CBLN2: variants seen among roughly 807,000 people sequenced by gnomAD.
CBLN2 encodes the protein cerebellin 2 precursor.
Under a neutral mutation model 15.0 loss-of-function variants are expected in CBLN2, and 7 were observed. The observed-to-expected ratio is 0.47, with a 90% CI of 0.27 to 0.88. The LOEUF is 0.88. Among genes scored for constraint, CBLN2 ranks in the 40% least tolerant of loss-of-function variants. The pLI is 0.14. For missense variants in CBLN2, 242 were observed against 304.5 expected (o/e 0.79, Z 1.53); for synonymous variants, 149 against 135.2 (o/e 1.10, Z -0.71).
At position 72,538,380 on chromosome 18, in the gene CBLN2, T is replaced by C; in HGVS notation, c.478-7A>G. 1 of 1,614,060 alleles carries C rather than the reference T, an allele frequency of 6.2e-7. No individual in the cohort carries two copies. Among genetic ancestry groups the C allele is most frequent in the Non-Finnish European group, 8.5e-7 (1 of 1,180,008 alleles). ...CATTCTGCATTAAACTGACCTAAAA[T>C]GCAGAGAGTAGAGCTCAGCAGACCA... On this transcript the variant is annotated splice_polypyrimidine_tract_variant and splice_region_variant and intron_variant, in intron 4 of 4. Transcript: ENST00000269503.
intron 1 of CBLN2, among the ~76,000 whole-genome samples, chr18:72,588,611 G>A (rs557696465): frequency 7.2e-5 from 11 of 152,294 alleles, no homozygotes; most frequent in Admixed American, 2.6e-4. Context: ...TCGACAGGAC[G>A]ATTTCCAGTG....
chr18:72,592,948 C>G (rs750688348), intron 1 of CBLN2, among the ~76,000 whole-genome samples: 1 of 151,924 alleles, frequency 6.6e-6, no homozygotes, highest in Non-Finnish European at 1.5e-5. Context: ...ATACTTTTTG[C>G]TCAGGATGAC....
intron 1 of CBLN2, among the ~76,000 whole-genome samples, chr18:72,586,149 C>T (rs2144924415): frequency 6.6e-6 from 1 of 152,332 alleles, no homozygotes; most frequent in East Asian, 1.9e-4. Flanking sequence ...TCCCCGCTTG[C>T]TCCCTGGAGC....
intron 1 of CBLN2, among the ~76,000 whole-genome samples, chr18:72,637,548 C>T (rs577683637): frequency 9.2e-5 from 14 of 152,318 alleles, no homozygotes; most frequent in South Asian, 2.1e-4. Context: ...TGAACAGCTA[C>T]CGTGACAGGA....
In CBLN2 at chr18:72,579,740, C is replaced by CA. The variant is rs1191738281; in HGVS notation, c.16-40969dup. 1.5e-4 allele frequency among the ~76,000 whole-genome samples: 21 copies of CA among 140,752 alleles called. No individual in the cohort carries two copies. The East Asian group carries it at 4.1e-3, about 27-fold the overall frequency. The allele number at this position is 140,752 out of a possible 152,430, so 92.3% of individuals were successfully genotyped here. The stretch of plus-strand genomic sequence containing the variant: ...GAGCGAGACTCCGTCTCGCAAAAAA[C>CA]AAAAAACAAAAAACAAAAACAAAAT... On this transcript the variant is annotated intron_variant, in intron 1 of 2. Coordinates refer to the CBLN2 transcript ENST00000581073.
chr18:72,586,437 G>A (rs895478051), intron 1 of CBLN2, among the ~76,000 whole-genome samples: 3 of 152,064 alleles, frequency 2.0e-5, no homozygotes, highest in Admixed American at 2.0e-4. Context: ...TTCTTAAATG[G>A]AACCAAGAGG....
chr18:72,578,689 T>C (rs980777096), intron 1 of CBLN2, among the ~76,000 whole-genome samples: 8 of 152,344 alleles, frequency 5.3e-5, no homozygotes, highest in African/African-American at 1.9e-4. Flanking sequence ...GGCTATTTAC[T>C]ACGCAGTAAT....
chr18:72,597,299 T>G (rs2144937881), intron 1 of CBLN2, among the ~76,000 whole-genome samples: 1 of 152,334 alleles, frequency 6.6e-6, no homozygotes, highest in Admixed American at 6.5e-5. Flanking sequence ...CTTGCAGAGA[T>G]ATTACCTTGG....
chr18:72,563,092 C>T (rs542380216), intron 1 of CBLN2, among the ~76,000 whole-genome samples: 10 of 152,246 alleles, frequency 6.6e-5, no homozygotes, highest in Admixed American at 1.3e-4. Context: ...GACATACATA[C>T]GCGATGCTCT....
chr18:72,546,474 TG>T (rs1479895101), upstream of CBLN2, among the ~76,000 whole-genome samples: 1 of 152,104 alleles, frequency 6.6e-6, no homozygotes, highest in Non-Finnish European at 1.5e-5. Context: ...AGTCAAGTGT[TG>T]GAATTTTAGC....
chr18:72,628,699 C>T (rs548980920), intron 1 of CBLN2, among the ~76,000 whole-genome samples: 27 of 152,314 alleles, frequency 1.8e-4, no homozygotes, highest in Non-Finnish European at 2.8e-4. Context: ...TCACACATTT[C>T]GTCGTCCCCT....
Position 72,542,186 on chromosome 18 carries a change from G to GGGGTGGA in CBLN2, c.-33_-27dup. 1.7e-6 allele frequency: 2 copies of GGGGTGGA among 1,204,804 alleles called. No homozygotes were observed. Among genetic ancestry groups the GGGGTGGA allele is most frequent in the Non-Finnish European group, 2.1e-6 (2 of 972,092 alleles). 74.6% of individuals were successfully genotyped at this position (1,204,804 alleles called of 1,614,324 possible). ...CGGGACTGGTGGGAGGCGGCGCGCG[G>GGGGTGGA]GGGTGGAGGCCGGCGCCGGCGCGAG... On this transcript the variant is annotated 5_prime_UTR_variant, in exon 3 of 5. Coordinates refer to ENST00000269503, the MANE Select transcript of CBLN2 (RefSeq NM_182511.4).
At chr18:72,541,488 A>G (rs907594430) in intron 3 of CBLN2, among the ~76,000 whole-genome samples, 5 of 152,198 alleles carry the variant, frequency 3.3e-5, no homozygotes, top group African/African-American at 1.2e-4. Context: ...AAAACGTGCA[A>G]TGCTTCCTTT....
intron 1 of CBLN2, among the ~76,000 whole-genome samples, chr18:72,591,636 C>T (rs977573481): frequency 6.6e-6 from 1 of 152,008 alleles, no homozygotes; most frequent in Non-Finnish European, 1.5e-5. Flanking sequence ...TCCTTATTTC[C>T]CCATGTCCCC....
intron 1 of CBLN2, among the ~76,000 whole-genome samples, chr18:72,617,517 A>G (rs2069670142): frequency 6.6e-6 from 1 of 152,342 alleles, no homozygotes; most frequent in African/African-American, 2.4e-5. Context: ...GAATTTTATT[A>G]GATATCAAGA....
chr18:72,553,905 A>G (rs1416083012), intron 1 of CBLN2, among the ~76,000 whole-genome samples: 1 of 152,180 alleles, frequency 6.6e-6, no homozygotes, highest in African/African-American at 2.4e-5. Flanking sequence ...CTAAAACGAG[A>G]CTTGAAGACA....
chr18:72,563,265 G>C (rs902223933), intron 1 of CBLN2, among the ~76,000 whole-genome samples: 2 of 152,044 alleles, frequency 1.3e-5, no homozygotes, highest in Non-Finnish European at 2.9e-5. Flanking sequence ...AATACTAAAT[G>C]GTCAAAGTTT....
chr18:72,565,364 T>A (rs554756799), intron 1 of CBLN2, among the ~76,000 whole-genome samples: 1 of 152,252 alleles, frequency 6.6e-6, no homozygotes, highest in South Asian at 2.1e-4. Flanking sequence ...ATAGTATTTC[T>A]AGTATAAATA....
intron 1 of CBLN2, among the ~76,000 whole-genome samples, chr18:72,605,077 T>C (rs1225256006): frequency 1.3e-5 from 2 of 152,238 alleles, no homozygotes; most frequent in Non-Finnish European, 2.9e-5. Context: ...TTGTCATATC[T>C]AAACACTTGA....
Sources: allele counts gnomAD v4.1 joint callset (sites outside exome capture counted in the v4.1 genomes callset), GRCh38; gene constraint gnomAD v4.1.1; transcripts MANE v1.5; gene names NCBI Gene and HGNC (gene_info 2026-07-23, HGNC 2026-07-21).